SLC6A12: variants seen among roughly 807,000 people sequenced by gnomAD.
SLC6A12 encodes the protein solute carrier family 6 member 12.
Under a neutral mutation model 73.3 loss-of-function variants are expected in SLC6A12, and 50 were observed. That is an observed-to-expected ratio of 0.68 (90% CI 0.54 to 0.86). The LOEUF (loss-of-function observed/expected upper bound fraction) is 0.86, where lower values mean the gene tolerates loss of function less well. Among genes scored for constraint, SLC6A12 ranks in the 40% least tolerant of loss-of-function variants. The probability of loss-of-function intolerance (pLI) is 0.00; values close to 1 mark genes in which losing one functional copy is unlikely to be tolerated. For missense variants in SLC6A12, 648 were observed against 772.8 expected, an observed-to-expected ratio of 0.84 and a Z score of 1.92; for synonymous variants, 304 against 309.2, an observed-to-expected ratio of 0.98 and a Z score of 0.18.
At position 198,156 on chromosome 12, in the gene SLC6A12, C is replaced by T. The variant is rs1167590812; in HGVS notation, c.847-153G>A. ...GCATCCCAACTCTCCGTGAGTGCGC[C>T]CTCCGGTCTCCACGGTGATCTCCTC... On this transcript the variant is annotated intron_variant, in intron 8 of 15. Transcript: ENST00000684302. The surrounding 1 kb of genome is among the most constrained non-coding windows in gnomAD (Gnocchi z 4.0). Among the ~76,000 whole-genome samples the T allele has an allele frequency of 6.6e-6, 1 of 152,152 alleles. No individual in the cohort carries two copies. The highest frequency in any genetic ancestry group is 1.5e-5 in the Non-Finnish European group (1 of 68,032).
At chr12:188,362 G>A (rs1338871419), downstream of SLC6A12, among the ~76,000 whole-genome samples, 1 of 151,920 alleles carries the variant, frequency 6.6e-6, no homozygotes, top group Non-Finnish European at 1.5e-5. Flanking sequence ...CCGGCAGGCC[G>A]CTCCGATTGT....
At chr12:189,418 G>A (rs908069895), downstream of SLC6A12, among the ~76,000 whole-genome samples, 4 of 152,204 alleles carry the variant, frequency 2.6e-5, no homozygotes, top group Non-Finnish European at 4.4e-5. Flanking sequence ...GGTCCAAGGA[G>A]CGAGGGCACA....
In SLC6A12 at chr12:196,364, G is replaced by T. The variant is rs544039928; in HGVS notation, c.1189-103C>A. ...GGCTCATCCACACTGATGCACAGGGGTGCAGGGAGCAGCACAAAGGGAAGA... is the reference window on the plus strand; with the variant it reads ...GGCTCATCCACACTGATGCACAGGGTTGCAGGGAGCAGCACAAAGGGAAGA... On this transcript the variant is annotated intron_variant, in intron 11 of 15. Coordinates refer to ENST00000684302, the MANE Select transcript of SLC6A12 (RefSeq NM_001122848.3). 2.3e-4 allele frequency: 316 copies of T among 1,402,098 alleles called. No homozygotes were observed. The African/African-American group carries it at 3.2e-3, about 14-fold the overall frequency. The allele number at this position is 1,402,098 out of a possible 1,614,324, so 86.9% of individuals were successfully genotyped here. A position where few individuals can be genotyped will look rare whatever the true frequency, so the allele number is the denominator to read the frequency against.
In SLC6A12 at chr12:200,638, C is replaced by CAG. The variant is rs769559413; in HGVS notation, c.711+11_711+12dup. 1.9e-5 allele frequency: 30 copies of CAG among 1,612,970 alleles called. No individual in the cohort carries two copies. The highest frequency in any genetic ancestry group is 3.3e-4 in the Middle Eastern group (2 of 6,078). The stretch of plus-strand genomic sequence containing the variant: ...GGGCCAAAGGGAGCTTCCCAGGAGG[C>CAG]AGGACATCTCACCTTGCCTGTGGAC... On this transcript the variant is annotated intron_variant, in intron 7 of 15. Transcript: ENST00000684302.
At chr12:187,721 T>C (rs568316580), downstream of SLC6A12, among the ~76,000 whole-genome samples, 10 of 149,254 alleles carry the variant, frequency 6.7e-5, no homozygotes, top group Admixed American at 5.4e-4. Context: ...TTCTCTTACC[T>C]GGCCCCACCC....
chr12:192,153 C>T (rs755931732), intron 15 of SLC6A12, among the ~76,000 whole-genome samples: 4 of 152,150 alleles, frequency 2.6e-5, no homozygotes, highest in Non-Finnish European at 4.4e-5. Flanking sequence ...TCTTGTAAAC[C>T]TTCTGTGTCT....
Position 200,708 on chromosome 12 carries a change from CA to C in SLC6A12, c.653del (p.Leu218ArgfsTer31), listed in dbSNP as rs773282674. 5 of 1,614,028 alleles carry C rather than the reference CA, an allele frequency of 3.1e-6. No individual in the cohort carries two copies. The highest frequency in any genetic ancestry group is 4.2e-6 in the Non-Finnish European group (5 of 1,180,026). Reference sequence around the variant, plus strand: ...AGAAATAGCAGATGACCCAGGCGAGCAGGAGGCACAGGGCCAGCTCCCAGCG... The same window carrying C: ...AGAAATAGCAGATGACCCAGGCGAGCGGAGGCACAGGGCCAGCTCCCAGCG... ...SLRWELALCL[L>X]LAWVICYFCI... On this transcript the variant is annotated frameshift_variant, in exon 7 of 16. Coordinates refer to ENST00000684302, the MANE Select transcript of SLC6A12 (RefSeq NM_001122848.3). LOFTEE classifies it high-confidence loss of function.
At chr12:197,103 A>G in intron 10 of SLC6A12, among the ~76,000 whole-genome samples, 1 of 53,766 alleles carries the variant, frequency 1.9e-5, no homozygotes, top group African/African-American at 7.3e-5. Flanking sequence ...CCATCCATCC[A>G]TCCATCCATC....
intron 15 of SLC6A12, 71 bp from the exon 16 acceptor site, chr12:191,282 C>T: frequency 8.1e-7 from 1 of 1,227,116 alleles, no homozygotes; most frequent in Non-Finnish European, 1.0e-6. Context: ...ATGTGTGCAA[C>T]CCCAGGGCCC....
chr12:197,354 C>A, intron 10 of SLC6A12, 23 bp downstream of exon 10: 1 of 1,607,358 alleles, frequency 6.2e-7, no homozygotes. Context: ...CCCTCAGGCC[C>A]CAGACAGCAA....
At chr12:188,271 G>A (rs1939474451), downstream of SLC6A12, among the ~76,000 whole-genome samples, 1 of 152,202 alleles carries the variant, frequency 6.6e-6, no homozygotes, top group Non-Finnish European at 1.5e-5. Context: ...CCACGGGAAG[G>A]CAGCTAAGGC....
intron 2 of SLC6A12, 88 bp from the exon 3 acceptor site, chr12:210,131 T>A (rs757107456): frequency 5.6e-6 from 8 of 1,419,698 alleles, no homozygotes; most frequent in Non-Finnish European, 7.4e-6. Context: ...GTCAGCATAT[T>A]GTTGTTCTTC....
At chr12:197,197 T>TCTATCCATCCATCCATC (rs1939960234) in intron 10 of SLC6A12, among the ~76,000 whole-genome samples, 180 bp downstream of exon 10, 1 of 6,174 alleles carries the variant, frequency 1.6e-4, no homozygotes, top group Non-Finnish European at 2.8e-4. Context: ...ATCCATCCAT[T>TCTATCCATCCATCCATC]CATCCATCCA....
chr12:192,748 G>A, intron 14 of SLC6A12, 100 bp from the exon 15 acceptor site: 1 of 1,107,092 alleles, frequency 9.0e-7, no homozygotes, highest in South Asian at 1.3e-5. Context: ...CAGGTGCACT[G>A]CAGCACGTCT....
intron 5 of SLC6A12, 104 bp downstream of exon 5, chr12:202,636 G>C: frequency 8.0e-7 from 1 of 1,250,372 alleles, no homozygotes; most frequent in Admixed American, 2.2e-5. Context: ...TTGGCTGCCA[G>C]GCAGGTTCTG....
At chr12:186,084 G>A (rs918453174), downstream of SLC6A12, among the ~76,000 whole-genome samples, 15 of 150,204 alleles carry the variant, frequency 1.0e-4, no homozygotes, top group African/African-American at 2.8e-4. Flanking sequence ...GGCTCTGGAG[G>A]GGTCAGAGGA....
intron 10 of SLC6A12, among the ~76,000 whole-genome samples, 195 bp downstream of exon 10, chr12:197,182 C>CATCT (rs1565469176): frequency 2.4e-5 from 2 of 84,358 alleles, no homozygotes; most frequent in African/African-American, 4.0e-5. Flanking sequence ...TCCATCCATC[C>CATCT]ATCCATCCAT....
chr12:189,407 C>T (rs1024286054), downstream of SLC6A12, among the ~76,000 whole-genome samples: 3 of 152,176 alleles, frequency 2.0e-5, no homozygotes, highest in African/African-American at 7.2e-5. Context: ...CCCCACTAGC[C>T]GGTCCAAGGA....
downstream of SLC6A12, among the ~76,000 whole-genome samples, chr12:187,219 G>A (rs1423309148): frequency 1.3e-5 from 2 of 152,138 alleles, no homozygotes; most frequent in Admixed American, 1.3e-4. Flanking sequence ...CGAGATGAAA[G>A]TGTGCCCAGA....
Sources: allele counts gnomAD v4.1 joint callset (sites outside exome capture counted in the v4.1 genomes callset), GRCh38; gene constraint gnomAD v4.1.1; non-coding constraint Gnocchi (gnomAD v3.1); transcripts MANE v1.5; gene names NCBI Gene and HGNC (gene_info 2026-07-23, HGNC 2026-07-21).